ANKRD30B: variants seen among roughly 807,000 people sequenced by gnomAD.
ANKRD30B encodes ankyrin repeat domain-containing protein 30B.
In ANKRD30B, 144 loss-of-function variants were observed where a neutral mutation model predicts 202.2. The observed-to-expected ratio is 0.71, with a 90% CI of 0.62 to 0.82. The LOEUF (loss-of-function observed/expected upper bound fraction) is 0.82, where lower values mean the gene tolerates loss of function less well. Ranked by LOEUF, ANKRD30B falls within the 40% of genes least tolerant of loss-of-function variation. The pLI is 0.00. For synonymous variants in ANKRD30B, 508 were observed against 561.3 expected (o/e 0.91, Z 1.34); for missense variants, 1,487 against 1,669.1 (o/e 0.89, Z 1.90).
At chr18:14,806,885 A>G (rs1263340266) in intron 24 of ANKRD30B, among the ~76,000 whole-genome samples, 1 of 150,854 alleles carries the variant, frequency 6.6e-6, no homozygotes, top group African/African-American at 2.4e-5. Context: ...ATCATTTCCT[A>G]TATACGAATT....
chr18:14,819,203 G>C (rs1332570382), intron 30 of ANKRD30B, among the ~76,000 whole-genome samples: 2 of 146,776 alleles, frequency 1.4e-5, no homozygotes. Flanking sequence ...ACTTTTTGAT[G>C]GGGTTGTTTG....
chr18:14,816,134 C>G (rs1481871930), intron 30 of ANKRD30B: 1 of 152,140 alleles, frequency 6.6e-6, no homozygotes, highest in African/African-American at 2.4e-5. Flanking sequence ...ATTAAAGACA[C>G]ATGGTATAGC....
chr18:14,844,772 C>T (rs1971564242), intron 39 of ANKRD30B, among the ~76,000 whole-genome samples: 2 of 152,100 alleles, frequency 1.3e-5, no homozygotes, highest in Non-Finnish European at 2.9e-5. Context: ...TAATGATCGC[C>T]ATTCTAACTG....
chr18:14,905,060 T>G, the ANKRD30B span, among the ~76,000 whole-genome samples: 1 of 152,186 alleles, frequency 6.6e-6, no homozygotes, highest in Non-Finnish European at 1.5e-5. Context: ...CTGGTCTTCT[T>G]CACTGCTACA....
At chr18:14,910,145 A>G in the ANKRD30B span, 1 of 152,144 alleles carries the variant, frequency 6.6e-6, no homozygotes, top group Non-Finnish European at 1.5e-5. Flanking sequence ...TCTTCCATGC[A>G]TATATTGCAG....
In ANKRD30B at chr18:14,805,957, A is replaced by C. The variant is rs565528452; in HGVS notation, c.2284+2133A>C. Among the ~76,000 whole-genome samples, 1,248 of 150,536 alleles carry C rather than the reference A, an allele frequency of 8.3e-3. 50 individuals carry two copies. Among genetic ancestry groups the C allele is most frequent in the Non-Finnish European group, 0.012 (791 of 67,684 alleles). ...GATTTCAGGCCAGGCGTGGTGACTC[A>C]CGCCTGTAATCCCAGCACTTTGGGA... On this transcript the variant is annotated intron_variant, in intron 24 of 43. Transcript: ENST00000690538.
At position 14,757,888 on chromosome 18, in the gene ANKRD30B, G is replaced by C; in HGVS notation, c.691G>C (p.Val231Leu). The change falls in exon 5 of 44, where the codon GTC (valine) becomes CTC (leucine). Residue 231 changes from valine (V) to leucine (L), a missense_variant. Val to Leu is a conservative substitution (Grantham distance 32). Coordinates refer to ENST00000690538, the MANE Select transcript of ANKRD30B (RefSeq NM_001367607.2). ...CATGCTTCTTCAGCAAAATGTTGAC[G>C]TCTTTGCTGAAGACATACATGGAAT... ...VGMLLQQNVD[V>L]FAEDIHGITA... is the part of the protein sequence containing the mutation. 1 of 1,612,880 alleles carries C rather than the reference G, an allele frequency of 6.2e-7. No individual in the cohort carries two copies. The highest frequency in any genetic ancestry group is 1.3e-5 in the African/African-American group (1 of 74,994).
intron 30 of ANKRD30B, among the ~76,000 whole-genome samples, chr18:14,815,321 T>C (rs953514547): frequency 1.4e-5 from 2 of 146,042 alleles, no homozygotes; most frequent in Non-Finnish European, 3.0e-5. Context: ...ACACTCCGTA[T>C]AGACCGTAAG....
At chr18:14,781,677 G>A (rs889186871) in intron 11 of ANKRD30B, among the ~76,000 whole-genome samples, 1 of 73,446 alleles carries the variant, frequency 1.4e-5, no homozygotes, top group Non-Finnish European at 3.1e-5. Flanking sequence ...CCTGACCCAG[G>A]GAAAGATGAA....
chr18:14,792,354 A>G (rs1296651789), intron 16 of ANKRD30B, among the ~76,000 whole-genome samples: 1 of 152,122 alleles, frequency 6.6e-6, no homozygotes, highest in African/African-American at 2.4e-5. Flanking sequence ...ATTTTTGAGT[A>G]TGTTTTTAGT....
At chr18:14,882,195 T>A in the ANKRD30B span, among the ~76,000 whole-genome samples, 1 of 152,324 alleles carries the variant, frequency 6.6e-6, no homozygotes, top group Non-Finnish European at 1.5e-5. Flanking sequence ...CCCTGAGATG[T>A]GAACTTAGAT....
At chr18:14,867,659 CTGGTACT>C in the ANKRD30B span, among the ~76,000 whole-genome samples, 1 of 152,088 alleles carries the variant, frequency 6.6e-6, no homozygotes, top group Non-Finnish European at 1.5e-5. Context: ...GGAATGGGAA[CTGGTACT>C]TGGGTGGGGA....
chr18:14,797,396 G>C (rs1050977405), intron 18 of ANKRD30B, among the ~76,000 whole-genome samples: 4 of 152,094 alleles, frequency 2.6e-5, no homozygotes, highest in Non-Finnish European at 4.4e-5. Context: ...GTCCAACCTG[G>C]CATTGTCTTT....
chr18:14,748,521 C>T lies in ANKRD30B; in HGVS notation c.102C>T (p.Ile34=). ...ACACTGAGAAGGACTACGGGACCAT[C>T]TACTTCGGGGATCTAGGGAAGATCC... ...RVYTEKDYGT[I]YFGDLGKIHT... The change falls in exon 1 of 44, where the codon ATC becomes ATT. Residue 34 remains isoleucine, a synonymous_variant. Coordinates refer to ENST00000690538, the MANE Select transcript of ANKRD30B (RefSeq NM_001367607.2). 2.6e-6 allele frequency: 4 copies of T among 1,552,534 alleles called. No individual in the cohort carries two copies. Among genetic ancestry groups the T allele is most frequent in the South Asian group, 1.2e-5 (1 of 84,070 alleles).
chr18:14,851,606 AACATCAACAC>A lies in ANKRD30B; in HGVS notation c.3663_3672del (p.Lys1221AsnfsTer3), dbSNP rs1348533953. On this transcript the variant is annotated frameshift_variant, in exon 42 of 44. Coordinates refer to ENST00000690538, the MANE Select transcript of ANKRD30B (RefSeq NM_001367607.2). LOFTEE classifies it high-confidence loss of function. Reference sequence around the variant, plus strand: ...CTAAAACTGGAAGTAGCCACACTGAAACATCAACACCAGGTGAAGGAAAATAAATACTTTG... The same window carrying A: ...CTAAAACTGGAAGTAGCCACACTGAACAGGTGAAGGAAAATAAATACTTTG... 6.2e-7 allele frequency: 1 copy of A among 1,611,280 alleles called. No homozygotes were observed. Among genetic ancestry groups the A allele is most frequent in the Non-Finnish European group, 8.5e-7 (1 of 1,178,858 alleles).
At chr18:14,805,996 A>C (rs187725518) in intron 24 of ANKRD30B, among the ~76,000 whole-genome samples, 2 of 150,384 alleles carry the variant, frequency 1.3e-5, no homozygotes, top group Admixed American at 1.3e-4. Flanking sequence ...CGAGGCGGGC[A>C]GATCACGAGG....
rs1197998644 is a variant in ANKRD30B at position 14,748,594 on chromosome 18, G to A, written c.175G>A (p.Val59Ile). 6.4e-7 allele frequency: 1 copy of A among 1,566,442 alleles called. No homozygotes were observed. ...GQVQKLEKMT[V>I]GKKPVNLNKR... ...AGTCCAGAAGCTGGAGAAGATGACAGTAGGGAAGAAGCCCGTCAACCTGAA... is the reference window on the plus strand; with the variant it reads ...AGTCCAGAAGCTGGAGAAGATGACAATAGGGAAGAAGCCCGTCAACCTGAA... Residue 59 changes from valine (V) to isoleucine (I), a missense_variant, in exon 1 of 44, where the codon GTA (valine) becomes ATA (isoleucine). Val to Ile is a conservative substitution (Grantham distance 29). This residue lies in a region of ANKRD30B where 889 missense variants were observed against 841.4 expected (regional missense o/e 1.06). Transcript: ENST00000690538.
chr18:14,763,509 C>T (rs1447413113), intron 6 of ANKRD30B, among the ~76,000 whole-genome samples, 177 bp from the exon 7 acceptor site: 1 of 151,880 alleles, frequency 6.6e-6, no homozygotes, highest in Non-Finnish European at 1.5e-5. Context: ...GAGATCATGC[C>T]ACTGCACTCT....
the ANKRD30B span, among the ~76,000 whole-genome samples, chr18:14,862,705 C>G: frequency 6.6e-6 from 1 of 152,318 alleles, no homozygotes; most frequent in East Asian, 1.9e-4. Flanking sequence ...CCACGGGAAG[C>G]TTTCATCCTG....
Sources: allele counts gnomAD v4.1 joint callset (sites outside exome capture counted in the v4.1 genomes callset), GRCh38; gene constraint gnomAD v4.1.1; regional missense constraint gnomAD v4.1.1; transcripts MANE v1.5; gene names NCBI Gene and HGNC (gene_info 2026-07-23, HGNC 2026-07-21).